PDE4D: variants seen among roughly 807,000 people sequenced by gnomAD.
PDE4D encodes 3',5'-cyclic-AMP phosphodiesterase 4D.
Under a neutral mutation model 87.4 loss-of-function variants are expected in PDE4D, and 24 were observed. That is an observed-to-expected ratio of 0.27 (90% CI 0.20 to 0.39). The LOEUF (loss-of-function observed/expected upper bound fraction) is 0.39. Ranked by LOEUF, PDE4D falls within the 10% of genes least tolerant of loss-of-function variation. The probability of loss-of-function intolerance (pLI) is 1.00; values close to 1 mark genes in which losing one functional copy is unlikely to be tolerated. For synonymous variants in PDE4D, 384 were observed against 383.2 expected (o/e 1.00, Z -0.02); for missense variants, 714 against 1,041.0 (o/e 0.69, Z 4.32).
In PDE4D at chr5:59,587,724, G is replaced by A. The variant is rs943618465; in HGVS notation, c.455+305444C>T. The A allele has an allele frequency of 3.0e-5, 14 of 466,308 alleles. 1 individual carries two copies. Among genetic ancestry groups the A allele is most frequent in the Non-Finnish European group, 3.7e-5 (13 of 355,948 alleles). 28.9% of individuals were successfully genotyped at this position (466,308 alleles called of 1,614,324 possible). A position where few individuals can be genotyped will look rare whatever the true frequency, so the allele number is the denominator to read the frequency against. ...GGGTTCCCAGACATTGCAGAGCCGC[G>A]CACTCCTTGCTAACCTCCAAGTAAG... On this transcript the variant is annotated intron_variant, in intron 1 of 14. Transcript: ENST00000340635.
At chr5:59,845,589 T>C (rs966074981) in intron 1 of PDE4D, among the ~76,000 whole-genome samples, 1 of 152,088 alleles carries the variant, frequency 6.6e-6, no homozygotes, top group Non-Finnish European at 1.5e-5. Context: ...ATTTAGCAGA[T>C]TTGCCAACAC....
At chr5:59,049,156 C>T (rs1761157055) in intron 5 of PDE4D, among the ~76,000 whole-genome samples, 1 of 152,164 alleles carries the variant, frequency 6.6e-6, no homozygotes, top group Non-Finnish European at 1.5e-5. Context: ...AATTTGCTGG[C>T]TTCTGCCTGT....
chr5:60,193,420 C>T lies in PDE4D; in HGVS notation c.-89-7733G>A, dbSNP rs373724906. 7.4e-4 allele frequency among the ~76,000 whole-genome samples: 113 copies of T among 152,108 alleles called. 1 individual carries two copies. The highest frequency in any genetic ancestry group is 6.8e-3 in the Middle Eastern group (2 of 292). The stretch of plus-strand genomic sequence containing the variant: ...GCGCAGTGGCTCACGCCTGTAATCC[C>T]AGCACTTTGGGAGGCCGAGGCGGGT... On this transcript the variant is annotated intron_variant, in intron 1 of 16. Transcript: ENST00000502484.
intron 1 of PDE4D, among the ~76,000 whole-genome samples, chr5:60,415,280 G>A (rs1742395021): frequency 6.6e-6 from 1 of 152,238 alleles, no homozygotes; most frequent in African/African-American, 2.4e-5. Context: ...CTATTAAGAG[G>A]TGACAGCATG....
intron 4 of PDE4D, among the ~76,000 whole-genome samples, chr5:59,181,545 T>G (rs1324696224): frequency 3.3e-5 from 1 of 30,758 alleles, no homozygotes; most frequent in Non-Finnish European, 1.1e-4. Flanking sequence ...AGATGTCTGA[T>G]ATATATATAT....
intron 1 of PDE4D, among the ~76,000 whole-genome samples, chr5:59,351,188 T>C (rs777752645): frequency 6.6e-6 from 1 of 152,138 alleles, no homozygotes; most frequent in Non-Finnish European, 1.5e-5. Context: ...TAATTTTCTA[T>C]TTATGTACAT....
At chr5:60,416,766 C>T (rs967542122) in intron 1 of PDE4D, among the ~76,000 whole-genome samples, 2 of 152,172 alleles carry the variant, frequency 1.3e-5, no homozygotes, top group East Asian at 3.8e-4. Flanking sequence ...AATTAATATC[C>T]AAGACTCTGG....
At chr5:59,655,322 T>A (rs1446645536) in intron 1 of PDE4D, among the ~76,000 whole-genome samples, 1 of 152,220 alleles carries the variant, frequency 6.6e-6, no homozygotes, top group Non-Finnish European at 1.5e-5. Flanking sequence ...TTCTTCTTGA[T>A]ACAATGTTCC....
chr5:59,271,306 A>C (rs1372410201), intron 1 of PDE4D, among the ~76,000 whole-genome samples: 1 of 152,120 alleles, frequency 6.6e-6, no homozygotes, highest in Non-Finnish European at 1.5e-5. Context: ...CCTAAATTGC[A>C]GGTATTACAG....
chr5:60,462,472 G>A (rs559434160), intron 1 of PDE4D, among the ~76,000 whole-genome samples: 5 of 152,222 alleles, frequency 3.3e-5, no homozygotes, highest in South Asian at 2.1e-4. Flanking sequence ...GCCCTCAAAT[G>A]TTAGGGGTGA....
intron 1 of PDE4D, among the ~76,000 whole-genome samples, chr5:59,345,695 T>C (rs1280596157): frequency 3.3e-5 from 5 of 152,186 alleles, no homozygotes; most frequent in African/African-American, 1.2e-4. Context: ...ATGCCATCAC[T>C]GAAAATGGAT....
intron 1 of PDE4D, among the ~76,000 whole-genome samples, chr5:59,819,430 T>A (rs2963817): frequency 0.37 from 55,944 of 152,054 alleles, 12,012 homozygotes; most frequent in Admixed American, 0.48. Flanking sequence ...TCTTCCAGAC[T>A]TTTTTTTCAA....
chr5:58,991,186 G>T (rs1297493272), intron 8 of PDE4D, among the ~76,000 whole-genome samples: 1 of 152,142 alleles, frequency 6.6e-6, no homozygotes, highest in African/African-American at 2.4e-5. Context: ...GGAGGCTGAG[G>T]CAGGAGAATT....
At chr5:59,442,471 GC>G (rs1396504755) in intron 1 of PDE4D, among the ~76,000 whole-genome samples, 1 of 152,206 alleles carries the variant, frequency 6.6e-6, no homozygotes, top group Non-Finnish European at 1.5e-5. Flanking sequence ...TTAAATGAGA[GC>G]TCATACTCAC....
chr5:59,728,718 T>C (rs1756953271), intron 1 of PDE4D, among the ~76,000 whole-genome samples: 1 of 152,130 alleles, frequency 6.6e-6, no homozygotes, highest in Admixed American at 6.6e-5. Flanking sequence ...TGGGTTTGAA[T>C]ATTTGTTTTC....
chr5:59,768,559 C>T, intron 1 of PDE4D: 1 of 1,588,296 alleles, frequency 6.3e-7, no homozygotes, highest in Non-Finnish European at 8.5e-7. Flanking sequence ...CAACGTGGTT[C>T]CCTCGCTCAC....
chr5:60,059,053 T>TGC (rs1771111018), intron 2 of PDE4D, among the ~76,000 whole-genome samples: 1 of 151,282 alleles, frequency 6.6e-6, no homozygotes, highest in Non-Finnish European at 1.5e-5. Flanking sequence ...TGTGTGTGTG[T>TGC]GTGTGTGTGT....
At chr5:59,337,681 T>G (rs894940298) in intron 1 of PDE4D, among the ~76,000 whole-genome samples, 1 of 152,134 alleles carries the variant, frequency 6.6e-6, no homozygotes, top group Non-Finnish European at 1.5e-5. Flanking sequence ...TAATAGGCCA[T>G]GTGTTGATAT....
At chr5:60,424,109 C>A (rs1291171072) in intron 1 of PDE4D, among the ~76,000 whole-genome samples, 3 of 152,142 alleles carry the variant, frequency 2.0e-5, no homozygotes, top group Non-Finnish European at 4.4e-5. Context: ...ACCAGAGGTA[C>A]AAAGAGGAGC....
Sources: allele counts gnomAD v4.1 joint callset (sites outside exome capture counted in the v4.1 genomes callset), GRCh38; gene constraint gnomAD v4.1.1; transcripts MANE v1.5; gene names NCBI Gene and HGNC (gene_info 2026-07-23, HGNC 2026-07-21).